BIRC3: variants seen among roughly 807,000 people sequenced by gnomAD.
The protein encoded by BIRC3 is baculoviral IAP repeat containing 3, also known as baculoviral IAP repeat-containing protein 3.
BIRC3 carries 26 observed loss-of-function variants against 59.0 expected under a neutral mutation model. The ratio of observed to expected loss-of-function variants is 0.44; its 90% confidence interval spans 0.32 to 0.61. BIRC3 has a LOEUF of 0.61. Among genes scored for constraint, BIRC3 ranks in the 20% least tolerant of loss-of-function variants. The pLI is 0.04. For synonymous variants in BIRC3, 243 were observed against 249.2 expected, an observed-to-expected ratio of 0.98 and a Z score of 0.24; for missense variants, 641 against 711.5, an observed-to-expected ratio of 0.90 and a Z score of 1.13.
rs900775847 is a variant in BIRC3, at chr11:102,322,200, T to G, written c.-2310T>G. The G allele has an allele frequency of 2.9e-5, 6 of 206,396 alleles. No individual in the cohort carries two copies. The highest frequency in any genetic ancestry group is 1.4e-4 in the African/African-American group (6 of 43,794). 12.8% of individuals were successfully genotyped at this position (206,396 alleles called of 1,614,324 possible). Reference sequence around the variant, plus strand: ...CATTATGTAGAATAGAAATAGTACCTGTGTTTGGGAAAGATTTTAAAATGA... The same window carrying G: ...CATTATGTAGAATAGAAATAGTACCGGTGTTTGGGAAAGATTTTAAAATGA... On this transcript the variant is annotated 5_prime_UTR_variant, in exon 2 of 9. Coordinates refer to ENST00000263464, the MANE Select transcript of BIRC3 (RefSeq NM_001165.5).
chr11:102,336,089 A>G lies in BIRC3; in HGVS notation c.1448A>G (p.Lys483Arg), dbSNP rs1265911746. Reference protein sequence around the residue: ...IINEQEHDVIKQKTQTSLQAR... With the variant: ...IINEQEHDVIRQKTQTSLQAR... ...AATGAACAAGAACATGATGTTATTA[A>G]ACAGAAGACACAGACGTCTTTACAA... Residue 483 changes from lysine to arginine, a missense_variant, in exon 7 of 9, where the codon AAA becomes AGA. Physicochemically the swap from Lys to Arg is conservative, Grantham distance 26. Around this residue, in one of 4 missense-constraint regions of BIRC3, gnomAD observed 268 missense variants for 255.7 expected, o/e 1.05. Coordinates refer to ENST00000263464, the MANE Select transcript of BIRC3 (RefSeq NM_001165.5). 1.9e-6 allele frequency: 3 copies of G among 1,613,854 alleles called. No individual in the cohort carries two copies. Among genetic ancestry groups the G allele is most frequent in the Non-Finnish European group, 2.5e-6 (3 of 1,179,954 alleles).
rs1951221348 is a variant in BIRC3, at chr11:102,338,481, G to A, written c.*1379G>A. 2.2e-5 allele frequency: 5 copies of A among 229,362 alleles called. No individual in the cohort carries two copies. The South Asian group carries it at 9.1e-4, about 42-fold the overall frequency. The allele number at this position is 229,362 out of a possible 1,614,324, so 14.2% of individuals were successfully genotyped here. On this transcript the variant is annotated 3_prime_UTR_variant, in exon 9 of 9. Coordinates refer to ENST00000263464, the MANE Select transcript of BIRC3 (RefSeq NM_001165.5). ...GTAATGAAGATCCAAAATTACAGGG[G>A]AAACTGTGCATTTTTATGCTTAGGT...
At chr11:102,325,728 T>C (rs1410664301) in intron 3 of BIRC3, among the ~76,000 whole-genome samples, 163 bp downstream of exon 3, 1 of 152,160 alleles carries the variant, frequency 6.6e-6, no homozygotes, top group Non-Finnish European at 1.5e-5. Context: ...AAAGTTTCGA[T>C]GGACTTAAGA....
chr11:102,326,221 T>A (rs1356186342), intron 3 of BIRC3, among the ~76,000 whole-genome samples: 1 of 152,186 alleles, frequency 6.6e-6, no homozygotes, highest in Non-Finnish European at 1.5e-5. Flanking sequence ...AAAACTTGAA[T>A]AAGTTCTATA....
chr11:102,328,699 A>T (rs1270538053), intron 4 of BIRC3, among the ~76,000 whole-genome samples, 198 bp from the exon 5 acceptor site: 1 of 152,116 alleles, frequency 6.6e-6, no homozygotes, highest in Non-Finnish European at 1.5e-5. Flanking sequence ...AAACTCTATT[A>T]GTTTATGGCC....
At position 102,326,819 on chromosome 11, in the gene BIRC3, T is replaced by C. The variant is rs930132738; in HGVS notation, c.954-1233T>C. 1.5e-5 allele frequency: 7 copies of C among 453,924 alleles called. No homozygotes were observed. The East Asian group carries it at 2.8e-4, about 18-fold the overall frequency. The allele number at this position is 453,924 out of a possible 1,614,324, so 28.1% of individuals were successfully genotyped here. ...GCCTCTTGGGTTCAGGCAATTCTCA[T>C]GCCTCGAGCCTCGCTAGTAGCTGGG... On this transcript the variant is annotated intron_variant, in intron 3 of 8. Transcript: ENST00000263464.
chr11:102,337,675 G>T lies in BIRC3; in HGVS notation c.*573G>T. 1 of 302,972 alleles carries T rather than the reference G, an allele frequency of 3.3e-6. No individual in the cohort carries two copies. Among genetic ancestry groups the T allele is most frequent in the Non-Finnish European group, 6.0e-6 (1 of 165,654 alleles). 18.8% of individuals were successfully genotyped at this position (302,972 alleles called of 1,614,324 possible). A position where few individuals can be genotyped will look rare whatever the true frequency, so the allele number is the denominator to read the frequency against. On this transcript the variant is annotated 3_prime_UTR_variant, in exon 9 of 9. Coordinates refer to ENST00000263464, the MANE Select transcript of BIRC3 (RefSeq NM_001165.5). ...ATGTTGAATGACATTTTAGGGACAT[G>T]GTGTTTTTATAAAGAATTCTGTGAG...
chr11:102,325,919 A>T (rs954233959), intron 3 of BIRC3, among the ~76,000 whole-genome samples: 1 of 152,154 alleles, frequency 6.6e-6, no homozygotes, highest in African/African-American at 2.4e-5. Context: ...TTTAGTGAAC[A>T]TCCCTCCAGA....
rs1406573568 is a variant in BIRC3 at position 102,325,358 on chromosome 11, T to C, written c.849T>C (p.Tyr283=). 1 of 1,593,794 alleles carries C rather than the reference T, an allele frequency of 6.3e-7. No homozygotes were observed. The highest frequency in any genetic ancestry group is 1.4e-5 in the African/African-American group (1 of 73,716). ...PEQLASAGFY[Y]VGNSDDVKCF... is the part of the protein sequence containing the mutation. ...AGCTTGCAAGTGCGGGTTTTTATTA[T>C]GTGGGTAAGAAACTGAATCTGCTAA... is the stretch of plus-strand genomic sequence containing the variant. The change falls in exon 2 of 9, where the codon TAT becomes TAC. Residue 283 remains tyrosine (Y), a synonymous_variant. Coordinates refer to ENST00000263464, the MANE Select transcript of BIRC3 (RefSeq NM_001165.5).
Position 102,325,287 on chromosome 11 carries a change from A to G in BIRC3, c.778A>G (p.Lys260Glu), listed in dbSNP as rs1951071056. The G allele has an allele frequency of 6.2e-7, 1 of 1,614,022 alleles. No individual in the cohort carries two copies. The highest frequency in any genetic ancestry group is 8.5e-7 in the Non-Finnish European group (1 of 1,180,022). ...CATGCAGACACATGCAGCCCGCTTT[A>G]AAACATTCTTTAACTGGCCCTCTAG... ...LSMQTHAARF[K>E]TFFNWPSSVL... The change falls in exon 2 of 9, where the codon AAA (lysine) becomes GAA (glutamate). Residue 260 changes from lysine to glutamate, a missense_variant. Around this residue, in one of 4 missense-constraint regions of BIRC3, gnomAD observed 329 missense variants for 365.6 expected, o/e 0.90. Coordinates refer to ENST00000263464, the MANE Select transcript of BIRC3 (RefSeq NM_001165.5).
At position 102,325,013 on chromosome 11, in the gene BIRC3, C is replaced by A; in HGVS notation, c.504C>A (p.Asn168Lys). The A allele has an allele frequency of 6.2e-7, 1 of 1,614,156 alleles. No homozygotes were observed. The highest frequency in any genetic ancestry group is 1.6e-4 in the Middle Eastern group (1 of 6,062). Residue 168 changes from asparagine (N) to lysine (K), a missense_variant, in exon 2 of 9, where the codon AAC (asparagine) becomes AAA (lysine). By Grantham distance (94) the Asn-to-Lys change is moderately conservative. Around this residue, in one of 4 missense-constraint regions of BIRC3, gnomAD observed 329 missense variants for 365.6 expected, o/e 0.90. Coordinates refer to ENST00000263464, the MANE Select transcript of BIRC3 (RefSeq NM_001165.5). ...GTTCCTACCACTGTGCAATGAATAA[C>A]GAAAATGCCAGATTACTTACTTTTC... The part of the protein sequence containing the change: ...MRSSYHCAMN[N>K]ENARLLTFQT...
At position 102,323,737 on chromosome 11, in the gene BIRC3, G is replaced by GA. The variant is rs1238661353; in HGVS notation, c.-766dup. The GA allele has an allele frequency of 2.0e-5, 4 of 200,344 alleles. No homozygotes were observed. Among genetic ancestry groups the GA allele is most frequent in the Admixed American group, 6.0e-5 (1 of 16,634 alleles). The allele number at this position is 200,344 out of a possible 1,614,324, so 12.4% of individuals were successfully genotyped here. ...CTCCTTATTAGAAGGATTGTAGAAAGAAAAAAATGACTAATTGGAGAAAAA... is the reference window on the plus strand; with the variant it reads ...CTCCTTATTAGAAGGATTGTAGAAAGAAAAAAAATGACTAATTGGAGAAAAA... On this transcript the variant is annotated 5_prime_UTR_variant, in exon 2 of 9. It adds an upstream start codon to the 5' untranslated region. Coordinates refer to ENST00000263464, the MANE Select transcript of BIRC3 (RefSeq NM_001165.5).
At position 102,322,777 on chromosome 11, in the gene BIRC3, T is replaced by TA. The variant is rs5794162; in HGVS notation, c.-1707dup. 3.8e-3 allele frequency: 254 copies of TA among 67,024 alleles called. 5 individuals are homozygous for TA. The highest frequency in any genetic ancestry group is 9.2e-3 in the East Asian group (34 of 3,704). The allele number at this position is 67,024 out of a possible 1,614,324, so 4.2% of individuals were successfully genotyped here. ...GGAAACCATGCTTGCAAACCACTGG[T>TA]AAAAAAAAAAAAAAAAAAAAAAAAA... On this transcript the variant is annotated 5_prime_UTR_variant, in exon 2 of 9. Coordinates refer to ENST00000263464, the MANE Select transcript of BIRC3 (RefSeq NM_001165.5).
rs1034846643 is a variant in BIRC3, at chr11:102,337,391, A to G, written c.*289A>G. 2.5e-5 allele frequency: 10 copies of G among 404,376 alleles called. No individual in the cohort carries two copies. Among genetic ancestry groups the G allele is most frequent in the African/African-American group, 8.2e-5 (4 of 48,650 alleles). The allele number at this position is 404,376 out of a possible 1,614,324, so 25.0% of individuals were successfully genotyped here. ...TGAAATTGTAAGTGAAGTAAAACTT[A>G]AGATATTTGAGTTAACCTTTAAGAA... is the stretch of plus-strand genomic sequence containing the variant. On this transcript the variant is annotated 3_prime_UTR_variant, in exon 9 of 9. Coordinates refer to ENST00000263464, the MANE Select transcript of BIRC3 (RefSeq NM_001165.5).
intron 4 of BIRC3, among the ~76,000 whole-genome samples, chr11:102,328,442 G>A (rs555862734): frequency 8.6e-4 from 131 of 152,056 alleles, no homozygotes; most frequent in Non-Finnish European, 1.7e-3. Flanking sequence ...AAAGATCTGA[G>A]AAAGAGAATT....
At chr11:102,330,437 A>G (rs1252265900) in intron 5 of BIRC3, among the ~76,000 whole-genome samples, 1 of 152,246 alleles carries the variant, frequency 6.6e-6, no homozygotes, top group Non-Finnish European at 1.5e-5. Flanking sequence ...ATGAGGCTGA[A>G]GAGGTAAACA....
rs1331820284 is a variant in BIRC3, at chr11:102,338,958, G to T, written c.*1856G>T. The T allele has an allele frequency of 4.6e-6, 1 of 217,230 alleles. No homozygotes were observed. The highest frequency in any genetic ancestry group is 2.3e-5 in the African/African-American group (1 of 44,380). The allele number at this position is 217,230 out of a possible 1,614,324, so 13.5% of individuals were successfully genotyped here. A position where few individuals can be genotyped will look rare whatever the true frequency, so the allele number is the denominator to read the frequency against. ...TTGGGTTTTCTGAGCCCCAACATCT[G>T]CTAGTGTTGTAAAGAGAACAATTAG... On this transcript the variant is annotated 3_prime_UTR_variant, in exon 9 of 9. Transcript: ENST00000263464.
rs191963415 is a variant in BIRC3 at position 102,338,013 on chromosome 11, G to T, written c.*911G>T. 105 of 226,528 alleles carry T rather than the reference G, an allele frequency of 4.6e-4. No homozygotes were observed. Among genetic ancestry groups the T allele is most frequent in the Non-Finnish European group, 1.5e-4 (17 of 113,920 alleles). 14.0% of individuals were successfully genotyped at this position (226,528 alleles called of 1,614,324 possible). A position where few individuals can be genotyped will look rare whatever the true frequency, so the allele number is the denominator to read the frequency against. ...TGCCAGCCCCACCTATTGGAAGAAGGTCTGAGTTTTATTCTTATCTCTTTG... is the reference window on the plus strand; with the variant it reads ...TGCCAGCCCCACCTATTGGAAGAAGTTCTGAGTTTTATTCTTATCTCTTTG... On this transcript the variant is annotated 3_prime_UTR_variant, in exon 9 of 9. Transcript: ENST00000263464.
At position 102,324,814 on chromosome 11, in the gene BIRC3, T is replaced by G. The variant is rs1951065082; in HGVS notation, c.305T>G (p.Val102Gly). The part of the protein sequence containing the change: ...SCRFVQSLNS[V>G]NNLEATSQPT... The stretch of plus-strand genomic sequence containing the variant: ...AGATTCGTTCAGAGTCTAAATTCCG[T>G]TAACAACTTGGAAGCTACCTCTCAG... Residue 102 changes from valine (V) to glycine (G), a missense_variant, in exon 2 of 9, where the codon GTT (valine) becomes GGT (glycine). Coordinates refer to ENST00000263464, the MANE Select transcript of BIRC3 (RefSeq NM_001165.5). The G allele has an allele frequency of 6.2e-7, 1 of 1,614,052 alleles. No individual in the cohort carries two copies. The highest frequency in any genetic ancestry group is 1.7e-5 in the Admixed American group (1 of 59,998).
Sources: allele counts gnomAD v4.1 joint callset (sites outside exome capture counted in the v4.1 genomes callset), GRCh38; gene constraint gnomAD v4.1.1; regional missense constraint gnomAD v4.1.1; transcripts MANE v1.5; gene names NCBI Gene and HGNC (gene_info 2026-07-23, HGNC 2026-07-21).